Variants in PRTG observed in about 807,000 individuals in gnomAD.
The protein encoded by PRTG is immunoglobulin superfamily, DCC subclass, member 5.
A neutral mutation model predicts 122.5 loss-of-function variants in PRTG; 67 were observed. The observed-to-expected ratio is 0.55, with a 90% CI of 0.45 to 0.67. PRTG has a LOEUF of 0.67. Ranked by LOEUF, PRTG falls within the 30% of genes least tolerant of loss-of-function variation. PRTG has a pLI of 0.00. For synonymous variants in PRTG, 554 were observed against 501.1 expected, an observed-to-expected ratio of 1.11 and a Z score of -1.41; for missense variants, 1,435 against 1,415.4, an observed-to-expected ratio of 1.01 and a Z score of -0.22.
At chr15:55,732,830 G>A (rs2031282675) in intron 2 of PRTG, among the ~76,000 whole-genome samples, 1 of 152,112 alleles carries the variant, frequency 6.6e-6, no homozygotes, top group Non-Finnish European at 1.5e-5. Flanking sequence ...TGTATTATGT[G>A]TGTGAAAAAG....
chr15:55,667,295 A>C (rs2059444220), intron 11 of PRTG, among the ~76,000 whole-genome samples: 1 of 151,642 alleles, frequency 6.6e-6, no homozygotes, highest in Non-Finnish European at 1.5e-5. Context: ...TTTTCATTAG[A>C]GGTAGCTGCA....
intron 2 of PRTG, among the ~76,000 whole-genome samples, chr15:55,711,382 T>C (rs1410915227): frequency 6.6e-6 from 1 of 152,236 alleles, no homozygotes; most frequent in East Asian, 1.9e-4. Context: ...TGTCTCAAGC[T>C]GCTGTCCTCA....
intron 2 of PRTG, among the ~76,000 whole-genome samples, chr15:55,697,020 C>T (rs188328038): frequency 1.3e-4 from 20 of 152,290 alleles, no homozygotes; most frequent in Admixed American, 9.2e-4. Context: ...TTTTAAAACG[C>T]ACCTTTAATA....
intron 2 of PRTG, among the ~76,000 whole-genome samples, chr15:55,698,583 G>A (rs1030547215): frequency 1.1e-4 from 17 of 152,128 alleles, no homozygotes; most frequent in Admixed American, 3.3e-4. Flanking sequence ...GAGCTGCCAC[G>A]CTCAGCCCCA....
In PRTG at chr15:55,658,932, C is replaced by T. The variant is rs1213430560; in HGVS notation, c.2041+13513G>A. Reference sequence around the variant, plus strand: ...CAGTTAGATGTATTTACACAACCTACCAAGGAAGAGATGAATCAATTGTGA... The same window carrying T: ...CAGTTAGATGTATTTACACAACCTATCAAGGAAGAGATGAATCAATTGTGA... On this transcript the variant is annotated intron_variant, in intron 11 of 19. Transcript: ENST00000389286. Among the ~76,000 whole-genome samples, 6 of 152,222 alleles carry T rather than the reference C, an allele frequency of 3.9e-5. No individual in the cohort carries two copies. The East Asian group carries it at 1.2e-3, about 29-fold the overall frequency.
At chr15:55,628,781 T>C (rs758798193) in intron 16 of PRTG, 41 bp downstream of exon 16, 2 of 1,517,716 alleles carry the variant, frequency 1.3e-6, no homozygotes, top group Non-Finnish European at 1.8e-6. Flanking sequence ...GAACACTTTT[T>C]TTCTTAAGAA....
At chr15:55,696,210 G>A (rs1484546479) in intron 2 of PRTG, among the ~76,000 whole-genome samples, 1 of 152,106 alleles carries the variant, frequency 6.6e-6, no homozygotes, top group Non-Finnish European at 1.5e-5. Flanking sequence ...GCTGCAGTGA[G>A]CCATTATCAT....
rs944420484 is a variant in PRTG at position 55,618,877 on chromosome 15, G to A, written c.*1135C>T. Reference sequence around the variant, plus strand: ...ATAAGGCAAAGAATTTCATTATACTGAAAGGCACTGTTACCATAATAACTT... The same window carrying A: ...ATAAGGCAAAGAATTTCATTATACTAAAAGGCACTGTTACCATAATAACTT... On this transcript the variant is annotated 3_prime_UTR_variant, in exon 20 of 20. Coordinates refer to ENST00000389286, the MANE Select transcript of PRTG (RefSeq NM_173814.6). The A allele has an allele frequency of 1.3e-5, 2 of 152,066 alleles. No homozygotes were observed. Among genetic ancestry groups the A allele is most frequent in the African/African-American group, 4.8e-5 (2 of 41,406 alleles). The allele number at this position is 152,066 out of a possible 1,614,324, so 9.4% of individuals were successfully genotyped here.
At chr15:55,686,437 G>C (rs1250176063) in intron 2 of PRTG, among the ~76,000 whole-genome samples, 7 of 152,042 alleles carry the variant, frequency 4.6e-5, no homozygotes, top group Admixed American at 3.9e-4. Flanking sequence ...AGCTCCCCCA[G>C]CCTGTCCACT....
rs2059279005 is a variant in PRTG, at chr15:55,639,745, G to A, written c.2221C>T (p.His741Tyr). ...GCGGTGAATGCAGGCCTCCTCCAGTGCAGGAAGATGGAAGATGAGGTGTTA... is the reference window on the plus strand; with the variant it reads ...GCGGTGAATGCAGGCCTCCTCCAGTACAGGAAGATGGAAGATGAGGTGTTA... ...KANTSSSIFL[H>Y]WRRPAFTAAQ... is the part of the protein sequence containing the mutation. Residue 741 changes from histidine to tyrosine, a missense_variant, in exon 13 of 20, where the codon CAC becomes TAC. By Grantham distance (83) the His-to-Tyr change is moderately conservative. Coordinates refer to ENST00000389286, the MANE Select transcript of PRTG (RefSeq NM_173814.6). 1.2e-6 allele frequency: 2 copies of A among 1,614,160 alleles called. No individual in the cohort carries two copies.
At chr15:55,724,785 A>G (rs1465981967) in intron 2 of PRTG, among the ~76,000 whole-genome samples, 1 of 151,906 alleles carries the variant, frequency 6.6e-6, no homozygotes. Context: ...AAATAAAAAG[A>G]AAACCAAGTA....
chr15:55,660,377 C>G, intron 11 of PRTG, among the ~76,000 whole-genome samples: 1 of 152,008 alleles, frequency 6.6e-6, no homozygotes, highest in Non-Finnish European at 1.5e-5. Context: ...AAAGAAAACC[C>G]CTCTCGTTTA....
At chr15:55,739,991 T>C (rs1224251892) in intron 2 of PRTG, among the ~76,000 whole-genome samples, 2 of 152,226 alleles carry the variant, frequency 1.3e-5, no homozygotes, top group African/African-American at 2.4e-5. Flanking sequence ...AAGAACCATC[T>C]GCAAAGCAGA....
intron 2 of PRTG, among the ~76,000 whole-genome samples, chr15:55,713,261 TCAACA>T (rs1156630493): frequency 6.6e-6 from 1 of 152,232 alleles, no homozygotes; most frequent in East Asian, 1.9e-4. Context: ...TGTAAAATGC[TCAACA>T]CTTTTTACCA....
rs1438495107 is a variant in PRTG at position 55,619,914 on chromosome 15, G to C, written c.*98C>G. On this transcript the variant is annotated 3_prime_UTR_variant, in exon 20 of 20. Transcript: ENST00000389286. ...CATAGCATGGCAGATGGCGGCTGCA[G>C]AACTAAGGAGGAAGTCTGCTCACTA... is the stretch of plus-strand genomic sequence containing the variant. 3 of 1,548,788 alleles carry C rather than the reference G, an allele frequency of 1.9e-6. No individual in the cohort carries two copies. Among genetic ancestry groups the C allele is most frequent in the African/African-American group, 1.4e-5 (1 of 73,106 alleles).
rs1292855521 is a variant in PRTG at position 55,619,559 on chromosome 15, C to G, written c.*453G>C. On this transcript the variant is annotated 3_prime_UTR_variant, in exon 20 of 20. Coordinates refer to ENST00000389286, the MANE Select transcript of PRTG (RefSeq NM_173814.6). ...TAAACTATAACAACAAATGAGGTAA[C>G]AAAGTTGTCTTCAGAGTTTGCCGGG... 1 of 170,424 alleles carries G rather than the reference C, an allele frequency of 5.9e-6. No individual in the cohort carries two copies. The highest frequency in any genetic ancestry group is 1.3e-5 in the Non-Finnish European group (1 of 78,996). The allele number at this position is 170,424 out of a possible 1,614,324, so 10.6% of individuals were successfully genotyped here.
chr15:55,638,363 A>G (rs950854154), intron 14 of PRTG, among the ~76,000 whole-genome samples, 186 bp downstream of exon 14: 1 of 152,240 alleles, frequency 6.6e-6, no homozygotes, highest in Admixed American at 6.5e-5. Context: ...CACACTGAGA[A>G]GAAAAAATTT....
At chr15:55,631,496 A>G (rs2059227247) in intron 15 of PRTG, among the ~76,000 whole-genome samples, 1 of 152,202 alleles carries the variant, frequency 6.6e-6, no homozygotes, top group Non-Finnish European at 1.5e-5. Flanking sequence ...AAAAAGGGAA[A>G]CTATAACATT....
intron 15 of PRTG, among the ~76,000 whole-genome samples, chr15:55,635,952 T>A (rs1272037197): frequency 3.3e-5 from 5 of 152,048 alleles, no homozygotes; most frequent in Non-Finnish European, 5.9e-5. Flanking sequence ...ATGTCTAAAT[T>A]AAGGAAGTGC....
Sources: gnomAD v4.1 joint callset for allele counts (sites outside exome capture counted in the v4.1 genomes callset) on GRCh38, gnomAD v4.1.1 for gene constraint, MANE v1.5 for transcripts, NCBI Gene and HGNC (gene_info 2026-07-23, HGNC 2026-07-21) for gene names.